RNF128: variants seen among roughly 807,000 people sequenced by gnomAD.
RNF128 encodes ring finger protein 128.
In RNF128, 13 loss-of-function variants were observed where a neutral mutation model predicts 26.2. The observed-to-expected ratio is 0.50, with a 90% confidence interval of 0.32 to 0.79. The LOEUF is 0.79. Ranked by LOEUF, RNF128 falls within the 30% of genes least tolerant of loss-of-function variation. RNF128 has a pLI of 0.03. For synonymous variants in RNF128, 149 were observed against 142.5 expected, an observed-to-expected ratio of 1.05 and a Z score of -0.32; for missense variants, 315 against 349.7, an observed-to-expected ratio of 0.90 and a Z score of 0.79.
intron 1 of RNF128, among the ~76,000 whole-genome samples, chrX:106,696,916 A>G (rs1928881732): frequency 8.9e-6 from 1 of 112,114 alleles, no homozygotes; most frequent in South Asian, 3.7e-4. Context: ...AAGGACTTGC[A>G]GGATTTGGGC....
At position 106,710,683 on chromosome X, in the gene RNF128, G is replaced by A. The variant is rs761452445; in HGVS notation, c.406+16275G>A. Among the ~76,000 whole-genome samples, 5 of 101,147 alleles carry A rather than the reference G, an allele frequency of 4.9e-5. No individual in the cohort carries two copies. The East Asian group carries it at 1.6e-3, about 32-fold the overall frequency. 87.8% of individuals were successfully genotyped at this position (101,147 alleles called of 115,157 possible). A position where few individuals can be genotyped will look rare whatever the true frequency, so the allele number is the denominator to read the frequency against. ...GAGGCAGGAGAATTGCTTGAACCCA[G>A]GAGGCAGAGGTTGCAGTGAGCCAAG... On this transcript the variant is annotated intron_variant, in intron 1 of 6. Coordinates refer to the RNF128 transcript ENST00000324342.
intron 1 of RNF128, among the ~76,000 whole-genome samples, chrX:106,730,210 G>A (rs1294301514): frequency 1.8e-5 from 2 of 112,061 alleles, no homozygotes; most frequent in African/African-American, 6.5e-5. Flanking sequence ...AGACTTTTAT[G>A]TATACCAAAA....
At chrX:106,793,892 G>T (rs1930870298) in intron 6 of RNF128, among the ~76,000 whole-genome samples, 1 of 111,027 alleles carries the variant, frequency 9.0e-6, no homozygotes, top group Non-Finnish European at 1.9e-5. Context: ...GGTGGTGTCT[G>T]CCAGGTTTCT....
At chrX:106,721,927 T>C (rs1321533308), upstream of RNF128, among the ~76,000 whole-genome samples, 1 of 112,026 alleles carries the variant, frequency 8.9e-6, no homozygotes, top group Non-Finnish European at 1.9e-5. Flanking sequence ...AGATAATGCA[T>C]GTAAAACATA....
chrX:106,753,169 A>G (rs996613665), intron 1 of RNF128, among the ~76,000 whole-genome samples: 33 of 111,815 alleles, frequency 3.0e-4, no homozygotes, highest in Non-Finnish European at 4.0e-4. Context: ...ATAACACTGT[A>G]GTTGTGGTGT....
At chrX:106,745,716 G>T (rs1252836049) in intron 1 of RNF128, among the ~76,000 whole-genome samples, 1 of 111,567 alleles carries the variant, frequency 9.0e-6, no homozygotes, top group African/African-American at 3.3e-5. Context: ...CTGCTATGAA[G>T]GAATCAAGAA....
intron 2 of RNF128, among the ~76,000 whole-genome samples, chrX:106,776,797 A>G (rs1306259804): frequency 9.0e-6 from 1 of 111,545 alleles, no homozygotes; most frequent in Non-Finnish European, 1.9e-5. Context: ...TAAGGCTAGT[A>G]GGAATAGAAC....
intron 1 of RNF128, among the ~76,000 whole-genome samples, chrX:106,728,085 G>A (rs1217359046): frequency 9.0e-6 from 1 of 110,994 alleles, no homozygotes; most frequent in African/African-American, 3.3e-5. Flanking sequence ...CCTAGACTTT[G>A]GAAAAAAAAA....
chrX:106,761,476 CA>C (rs1216609924), intron 1 of RNF128, among the ~76,000 whole-genome samples: 1 of 111,443 alleles, frequency 9.0e-6, no homozygotes, highest in African/African-American at 3.3e-5. Flanking sequence ...GACACATGCA[CA>C]TGTATGTTCA....
chrX:106,724,789 C>T (rs1929366648), upstream of RNF128, among the ~76,000 whole-genome samples: 2 of 111,724 alleles, frequency 1.8e-5, no homozygotes, highest in Non-Finnish European at 3.8e-5. Flanking sequence ...ATAGTGCTTA[C>T]ACTATATACA....
chrX:106,741,288 G>A (rs1569439600), intron 1 of RNF128, among the ~76,000 whole-genome samples: 2 of 111,341 alleles, frequency 1.8e-5, no homozygotes, highest in East Asian at 5.6e-4. Context: ...TCTCTTTTAT[G>A]CCCTCTGAAA....
chrX:106,732,048 A>G (rs1222021462), intron 1 of RNF128, among the ~76,000 whole-genome samples: 2 of 111,671 alleles, frequency 1.8e-5, no homozygotes, highest in Non-Finnish European at 3.8e-5. Context: ...TCAAAGCTTT[A>G]TATGTCTCTT....
intron 1 of RNF128, among the ~76,000 whole-genome samples, chrX:106,729,373 G>A (rs1929463815): frequency 9.0e-6 from 1 of 110,602 alleles, no homozygotes; most frequent in Admixed American, 9.6e-5. Context: ...TCTGTAAGAT[G>A]GAGATAATAT....
chrX:106,791,344 C>A, intron 6 of RNF128, 110 bp downstream of exon 6: 6 of 750,104 alleles, frequency 8.0e-6, no homozygotes, highest in Non-Finnish European at 1.1e-5. Context: ...TTATCATGAT[C>A]CAGGTTTTTT....
intron 1 of RNF128, among the ~76,000 whole-genome samples, chrX:106,701,452 T>C (rs1397816608): frequency 9.0e-6 from 1 of 111,579 alleles, no homozygotes; most frequent in Non-Finnish European, 1.9e-5. Context: ...TGTTTGTGTG[T>C]CGATAGATAC....
intron 1 of RNF128, among the ~76,000 whole-genome samples, chrX:106,762,852 C>G (rs895613677): frequency 9.1e-6 from 1 of 109,786 alleles, no homozygotes; most frequent in Non-Finnish European, 1.9e-5. Flanking sequence ...AAGGGAACAA[C>G]GGACACCGGG....
intron 4 of RNF128, among the ~76,000 whole-genome samples, chrX:106,788,588 G>T (rs1930732604): frequency 2.0e-5 from 1 of 50,256 alleles, no homozygotes; most frequent in Non-Finnish European, 3.2e-5. Context: ...ATCTTACATA[G>T]TATATTATGT....
chrX:106,694,865 G>C (rs746176476), intron 1 of RNF128, among the ~76,000 whole-genome samples: 2 of 111,639 alleles, frequency 1.8e-5, no homozygotes, highest in Admixed American at 9.6e-5. Context: ...AAATGTTATA[G>C]AAATGAGAAC....
chrX:106,769,536 C>T (rs1449350253), intron 1 of RNF128, among the ~76,000 whole-genome samples: 2 of 89,048 alleles, frequency 2.2e-5, no homozygotes, highest in Admixed American at 2.8e-4. Flanking sequence ...AGGATTGCTA[C>T]ACCTGCTTTG....
Sources: gnomAD v4.1 joint callset for allele counts (sites outside exome capture counted in the v4.1 genomes callset) on GRCh38, gnomAD v4.1.1 for gene constraint, MANE v1.5 for transcripts, NCBI Gene and HGNC (gene_info 2026-07-23, HGNC 2026-07-21) for gene names.